The following JAZF1 variants were observed in gnomAD, a reference collection of about 807,000 sequenced individuals.
The protein encoded by JAZF1 is JAZF zinc finger 1, also known as juxtaposed with another zinc finger protein 1.
JAZF1 carries 8 observed loss-of-function variants against 26.4 expected under a neutral mutation model. The ratio of observed to expected loss-of-function variants is 0.30; its 90% CI spans 0.18 to 0.55. The LOEUF (loss-of-function observed/expected upper bound fraction) is 0.55. JAZF1 is among the 20% of genes least tolerant of loss of function. The probability of loss-of-function intolerance (pLI) is 0.94; values close to 1 mark genes in which losing one functional copy is unlikely to be tolerated. For synonymous variants in JAZF1, 126 were observed against 122.3 expected (o/e 1.03, Z -0.20); for missense variants, 199 against 322.0 (o/e 0.62, Z 2.92).
At position 27,832,711 on chromosome 7, in the gene JAZF1, T is replaced by C. The variant is rs145217792; in HGVS notation, c.*89A>G. The C allele has an allele frequency of 7.2e-5, 77 of 1,076,620 alleles. No individual in the cohort carries two copies. In the African/African-American group the frequency reaches 1.2e-3, roughly 16 times the overall value. The allele number at this position is 1,076,620 out of a possible 1,614,324, so 66.7% of individuals were successfully genotyped here. A position where few individuals can be genotyped will look rare whatever the true frequency, so the allele number is the denominator to read the frequency against. On this transcript the variant is annotated 3_prime_UTR_variant, in exon 5 of 5. Transcript: ENST00000283928. ...CATTTAATTCTTTTTCTTTAAAGGG[T>C]TGCTGAATGCTTCCCCTGAAAAAAG...
In JAZF1 at chr7:28,152,153, T is replaced by C. The variant is rs75485933; in HGVS notation, c.115+28310A>G. ...TTGATGAATCAGAAGTTCTCTTATA[T>C]AAAACAACAACAACTACTACTACAG... On this transcript the variant is annotated intron_variant, in intron 1 of 4. Coordinates refer to ENST00000283928, the MANE Select transcript of JAZF1 (RefSeq NM_175061.4). Among the ~76,000 whole-genome samples, 557 of 152,288 alleles carry C rather than the reference T, an allele frequency of 3.7e-3. 37 individuals carry two copies. The East Asian group carries it at 0.095, about 26-fold the overall frequency.
At chr7:27,892,659 T>C (rs1415484347) in intron 3 of JAZF1, among the ~76,000 whole-genome samples, 2 of 152,168 alleles carry the variant, frequency 1.3e-5, no homozygotes, top group Admixed American at 6.5e-5. Context: ...CTCTCTTTCA[T>C]TCCTTAGATT....
At chr7:28,160,227 A>T (rs1185024618) in intron 1 of JAZF1, among the ~76,000 whole-genome samples, 1 of 152,186 alleles carries the variant, frequency 6.6e-6, no homozygotes, top group Non-Finnish European at 1.5e-5. Context: ...GGGGGTACAT[A>T]GTGAAAAAAG....
At chr7:27,969,382 C>T (rs937007793) in intron 2 of JAZF1, among the ~76,000 whole-genome samples, 1 of 152,040 alleles carries the variant, frequency 6.6e-6, no homozygotes, top group African/African-American at 2.4e-5. Context: ...CATGTTGTCA[C>T]CTAAATCTGC....
chr7:28,081,009 C>T (rs1387286984), intron 1 of JAZF1, among the ~76,000 whole-genome samples: 1 of 151,566 alleles, frequency 6.6e-6, no homozygotes, highest in Non-Finnish European at 1.5e-5. Flanking sequence ...GAAGGGAGGG[C>T]ATCAAAGTTC....
intron 1 of JAZF1, among the ~76,000 whole-genome samples, chr7:28,159,190 C>T (rs547843385): frequency 6.6e-6 from 1 of 151,744 alleles, no homozygotes; most frequent in Non-Finnish European, 1.5e-5. Context: ...AGAAAGCCTC[C>T]GAATAGATGA....
intron 3 of JAZF1, among the ~76,000 whole-genome samples, chr7:27,872,309 G>A (rs547193518): frequency 6.6e-6 from 1 of 152,158 alleles, no homozygotes; most frequent in Non-Finnish European, 1.5e-5. Flanking sequence ...TGGGTTTCCT[G>A]CAATTAAGCT....
At chr7:28,134,712 A>G (rs1465991754) in intron 1 of JAZF1, among the ~76,000 whole-genome samples, 2 of 152,150 alleles carry the variant, frequency 1.3e-5, no homozygotes, top group Non-Finnish European at 2.9e-5. Context: ...TCTAAGTGAT[A>G]TATTTATTTT....
At chr7:27,952,188 G>T (rs566107976) in intron 2 of JAZF1, among the ~76,000 whole-genome samples, 1 of 152,312 alleles carries the variant, frequency 6.6e-6, no homozygotes, top group South Asian at 2.1e-4. Context: ...GGGAAGGCAG[G>T]TTCACAAATG....
chr7:28,116,527 C>T (rs1784745094), intron 1 of JAZF1, among the ~76,000 whole-genome samples: 1 of 152,158 alleles, frequency 6.6e-6, no homozygotes, highest in African/African-American at 2.4e-5. Context: ...TCACTGCAAC[C>T]TCCACCTCCC....
chr7:27,971,727 A>T (rs1785378207), intron 2 of JAZF1, among the ~76,000 whole-genome samples: 2 of 152,190 alleles, frequency 1.3e-5, no homozygotes, highest in Non-Finnish European at 2.9e-5. Context: ...ATGAAATAAG[A>T]GAGGTGTAGC....
intron 1 of JAZF1, among the ~76,000 whole-genome samples, chr7:28,111,331 T>G (rs1466796416): frequency 6.6e-6 from 1 of 152,272 alleles, no homozygotes; most frequent in Non-Finnish European, 1.5e-5. Context: ...TTCTACTTTC[T>G]GACCACTGAA....
intron 1 of JAZF1, among the ~76,000 whole-genome samples, chr7:28,091,671 C>CAGAG (rs140074968): frequency 4.1e-5 from 6 of 147,066 alleles, no homozygotes; most frequent in Admixed American, 3.4e-4. Context: ...TATGCACATG[C>CAGAG]AGAGAGAGAG....
At chr7:27,976,534 T>C (rs372009966) in intron 2 of JAZF1, among the ~76,000 whole-genome samples, 2 of 152,174 alleles carry the variant, frequency 1.3e-5, no homozygotes, top group East Asian at 3.9e-4. Flanking sequence ...CCTAAGAGCA[T>C]GCAACATGTT....
intron 1 of JAZF1, among the ~76,000 whole-genome samples, chr7:28,032,816 G>A (rs1048790915): frequency 2.0e-5 from 3 of 152,126 alleles, no homozygotes; most frequent in Non-Finnish European, 4.4e-5. Context: ...ACGTAAGGAA[G>A]TAACATTAGC....
At chr7:28,166,525 C>T (rs1339377263) in intron 1 of JAZF1, among the ~76,000 whole-genome samples, 1 of 152,206 alleles carries the variant, frequency 6.6e-6, no homozygotes, top group Non-Finnish European at 1.5e-5. Context: ...CAAACCTTTA[C>T]AAACCACACA....
At chr7:28,005,458 G>C (rs1166312807) in intron 1 of JAZF1, among the ~76,000 whole-genome samples, 1 of 151,862 alleles carries the variant, frequency 6.6e-6, no homozygotes, top group Admixed American at 6.6e-5. Context: ...TGAACATCTG[G>C]ACACAGACTG....
At chr7:28,047,465 ATC>A (rs1783515879) in intron 1 of JAZF1, among the ~76,000 whole-genome samples, 1 of 152,164 alleles carries the variant, frequency 6.6e-6, no homozygotes, top group South Asian at 2.1e-4. Context: ...AGTGAAATGT[ATC>A]TCTGTTTATC....
At chr7:27,981,970 A>G (rs190095281) in intron 2 of JAZF1, among the ~76,000 whole-genome samples, 9 of 152,300 alleles carry the variant, frequency 5.9e-5, no homozygotes, top group Admixed American at 5.2e-4. Context: ...TTGTTACTTT[A>G]GTGAGTATAA....
Sources: gnomAD v4.1 joint callset for allele counts (sites outside exome capture counted in the v4.1 genomes callset) on GRCh38, gnomAD v4.1.1 for gene constraint, MANE v1.5 for transcripts, NCBI Gene and HGNC (gene_info 2026-07-23, HGNC 2026-07-21) for gene names.